Variants in ARHGAP25 observed in about 807,000 individuals in gnomAD.
The protein encoded by ARHGAP25 is rho GTPase-activating protein 25.
In ARHGAP25, 34 loss-of-function variants were observed where a neutral mutation model predicts 71.0. The ratio of observed to expected loss-of-function variants is 0.48; its 90% CI spans 0.36 to 0.64. The LOEUF (loss-of-function observed/expected upper bound fraction) is 0.64. Among genes scored for constraint, ARHGAP25 ranks in the 30% least tolerant of loss-of-function variants. The pLI, the probability that ARHGAP25 is intolerant of heterozygous loss-of-function variation, is 0.00. For missense variants in ARHGAP25, 706 were observed against 805.1 expected (o/e 0.88, Z 1.49); for synonymous variants, 282 against 296.5 (o/e 0.95, Z 0.50).
At position 68,782,318 on chromosome 2, in the gene ARHGAP25, C is replaced by T. The variant is rs1678399635; in HGVS notation, c.347C>T (p.Pro116Leu). 2 of 1,613,922 alleles carry T rather than the reference C, an allele frequency of 1.2e-6. No individual in the cohort carries two copies. Among genetic ancestry groups the T allele is most frequent in the African/African-American group, 1.3e-5 (1 of 74,912 alleles). ...EAGKFVFEII[P>L]ASWDQNRMGQ... ...GGGAAGTTTGTCTTTGAAATCATTC[C>T]AGGTAGGCCACCACAGGTAGGACAG... The change falls in exon 3 of 11, where the codon CCA becomes CTA. Residue 116 changes from proline (P) to leucine (L), a missense_variant and splice_region_variant. By Grantham distance (98) the Pro-to-Leu change is moderately conservative (BLOSUM62 -3). Transcript: ENST00000409202.
At chr2:68,746,704 C>CCG (rs1553395315) in intron 1 of ARHGAP25, among the ~76,000 whole-genome samples, 1 of 60,630 alleles carries the variant, frequency 1.6e-5, no homozygotes, top group Non-Finnish European at 3.8e-5. Context: ...ACAGGGACCA[C>CCG]CCCCCTCCCC....
At chr2:68,749,169 C>T (rs1184974213) in intron 1 of ARHGAP25, among the ~76,000 whole-genome samples, 4 of 152,056 alleles carry the variant, frequency 2.6e-5, no homozygotes, top group South Asian at 2.1e-4. Flanking sequence ...GAAGAGAGGA[C>T]CAATTACATT....
chr2:68,782,172 C>T (rs2271834), intron 2 of ARHGAP25, 61 bp from the exon 3 acceptor site: 591,008 of 1,450,540 alleles, frequency 0.41, 123,396 homozygotes, highest in Admixed American at 0.43. Flanking sequence ...TGTTGTCCAA[C>T]CCAATTTTAG....
At chr2:68,761,238 C>T (rs563513393) in intron 1 of ARHGAP25, among the ~76,000 whole-genome samples, 1 of 151,978 alleles carries the variant, frequency 6.6e-6, no homozygotes, top group Non-Finnish European at 1.5e-5. Context: ...AAAATTAACT[C>T]AAAATGGACC....
intron 2 of ARHGAP25, among the ~76,000 whole-genome samples, chr2:68,725,631 T>A (rs2104262176): frequency 6.6e-6 from 1 of 152,280 alleles, no homozygotes; most frequent in Non-Finnish European, 1.5e-5. Context: ...CCAGCCTGAT[T>A]ATTTAAAAGT....
intron 2 of ARHGAP25, among the ~76,000 whole-genome samples, chr2:68,721,991 C>T (rs572466360): frequency 2.6e-5 from 4 of 152,300 alleles, no homozygotes; most frequent in South Asian, 2.1e-4. Flanking sequence ...AGGCAAGGAG[C>T]GGCTCCTTAA....
chr2:68,778,930 T>C (rs1350028009), intron 2 of ARHGAP25, among the ~76,000 whole-genome samples: 1 of 152,224 alleles, frequency 6.6e-6, no homozygotes, highest in Non-Finnish European at 1.5e-5. Flanking sequence ...TGTCCAGTTT[T>C]AACGGTTTAA....
chr2:68,818,524 T>C (rs13432058), intron 8 of ARHGAP25, among the ~76,000 whole-genome samples: 94,695 of 152,014 alleles, frequency 0.62, 30,472 homozygotes, highest in Non-Finnish European at 0.71. Context: ...GACAGGGTTT[T>C]ACCATGTTGG....
intron 4 of ARHGAP25, among the ~76,000 whole-genome samples, chr2:68,794,738 T>G (rs1049384564): frequency 6.6e-6 from 1 of 152,166 alleles, no homozygotes; most frequent in Non-Finnish European, 1.5e-5. Flanking sequence ...TCTTTTTTGT[T>G]GTTGTTATGT....
At position 68,766,358 on chromosome 2, in the gene ARHGAP25, A is replaced by G. The variant is rs111701733; in HGVS notation, c.62-8863A>G. 3.5e-3 allele frequency among the ~76,000 whole-genome samples: 526 copies of G among 152,288 alleles called. 1 individual carries two copies. The highest frequency in any genetic ancestry group is 0.017 in the Middle Eastern group (5 of 294). On this transcript the variant is annotated intron_variant, in intron 1 of 10. Transcript: ENST00000409202. ...GAGAAAATTTGCCCTCTGATTGCCA[A>G]ATCTCCACTTTGCCTTGTGCTGAGG...
chr2:68,793,400 T>C (rs1005558537), intron 4 of ARHGAP25, among the ~76,000 whole-genome samples: 1 of 152,166 alleles, frequency 6.6e-6, no homozygotes. Flanking sequence ...TTACTCTAGG[T>C]TTTACAGTTT....
intron 5 of ARHGAP25, among the ~76,000 whole-genome samples, chr2:68,810,781 A>T (rs1680750503): frequency 7.1e-6 from 1 of 141,014 alleles, no homozygotes; most frequent in South Asian, 2.2e-4. Context: ...CAGTGGTTTC[A>T]CCCAGGCTAG....
intron 2 of ARHGAP25, among the ~76,000 whole-genome samples, chr2:68,728,590 AATAG>A (rs1674936406): frequency 6.6e-6 from 1 of 152,206 alleles, no homozygotes; most frequent in African/African-American, 2.4e-5. Flanking sequence ...AGGGGAAGAT[AATAG>A]TTTATAAAAC....
intron 4 of ARHGAP25, among the ~76,000 whole-genome samples, chr2:68,804,204 G>A (rs1363409788): frequency 6.6e-6 from 1 of 152,166 alleles, no homozygotes; most frequent in Non-Finnish European, 1.5e-5. Context: ...CTGCAAGGTG[G>A]AGCATCTCCT....
intron 1 of ARHGAP25, among the ~76,000 whole-genome samples, chr2:68,769,361 A>G (rs1677334495): frequency 1.3e-5 from 2 of 152,160 alleles, no homozygotes; most frequent in Non-Finnish European, 2.9e-5. Context: ...TACCCTTACT[A>G]ATCCCTATGG....
At chr2:68,745,797 C>G (rs548669462) in intron 1 of ARHGAP25, among the ~76,000 whole-genome samples, 5 of 152,266 alleles carry the variant, frequency 3.3e-5, no homozygotes, top group East Asian at 3.9e-4. Context: ...GCTGGCAAGT[C>G]CAAGATCAAG....
intron 3 of ARHGAP25, 46 bp from the exon 4 acceptor site, chr2:68,787,793 TG>T (rs1271534960): frequency 6.6e-7 from 1 of 1,507,000 alleles, no homozygotes; most frequent in South Asian, 1.1e-5. Context: ...CTTGCTCTCA[TG>T]TTCTTATCAC....
At chr2:68,799,270 C>T (rs537445513) in intron 4 of ARHGAP25, among the ~76,000 whole-genome samples, 12 of 152,284 alleles carry the variant, frequency 7.9e-5, no homozygotes, top group East Asian at 3.9e-4. Flanking sequence ...GAGACAGCCC[C>T]GGGGCCCTTC....
chr2:68,826,513 A>G lies in ARHGAP25; in HGVS notation c.*319A>G, dbSNP rs1046037756. The G allele has an allele frequency of 1.6e-5, 7 of 437,644 alleles. No individual in the cohort carries two copies. The highest frequency in any genetic ancestry group is 1.4e-4 in the South Asian group (7 of 49,482). 27.1% of individuals were successfully genotyped at this position (437,644 alleles called of 1,614,324 possible). ...GGACCCAGGCAATAGACTGGCCCCA[A>G]CTCAGGCTGGACTAAGGTGTGATTA... On this transcript the variant is annotated 3_prime_UTR_variant, in exon 11 of 11. Coordinates refer to ENST00000409202, the MANE Select transcript of ARHGAP25 (RefSeq NM_001007231.3).
Sources: allele counts gnomAD v4.1 joint callset (sites outside exome capture counted in the v4.1 genomes callset), GRCh38; gene constraint gnomAD v4.1.1; transcripts MANE v1.5; gene names NCBI Gene and HGNC (gene_info 2026-07-23, HGNC 2026-07-21).